Variants in CAMTA1 observed in about 807,000 individuals in gnomAD.
CAMTA1 encodes the protein calmodulin binding transcription activator 1, also known as calmodulin-binding transcription activator 1.
CAMTA1 carries 27 observed loss-of-function variants against 170.9 expected under a neutral mutation model. The observed-to-expected ratio is 0.16, with a 90% confidence interval of 0.12 to 0.22. The LOEUF is 0.22. Ranked by LOEUF, CAMTA1 falls within the 10% of genes least tolerant of loss-of-function variation. The probability of loss-of-function intolerance (pLI) is 1.00; values close to 1 mark genes in which losing one functional copy is unlikely to be tolerated. For missense variants in CAMTA1, 1,619 were observed against 2,217.2 expected, an observed-to-expected ratio of 0.73 and a Z score of 5.42; for synonymous variants, 833 against 891.5, an observed-to-expected ratio of 0.93 and a Z score of 1.17.
At chr1:7,560,486 A>G (rs1018299625) in intron 6 of CAMTA1, among the ~76,000 whole-genome samples, 23 of 152,092 alleles carry the variant, frequency 1.5e-4, no homozygotes, top group African/African-American at 5.3e-4. Context: ...GAAATGAGCC[A>G]TGTAGAAGAT....
chr1:7,597,566 G>GTTC (rs1467187365), intron 6 of CAMTA1, among the ~76,000 whole-genome samples: 1 of 152,140 alleles, frequency 6.6e-6, no homozygotes, highest in African/African-American at 2.4e-5. Flanking sequence ...CTAATAGGAT[G>GTTC]TGTATATATA....
intron 6 of CAMTA1, among the ~76,000 whole-genome samples, chr1:7,598,110 G>A (rs1375564837): frequency 9.0e-5 from 8 of 88,902 alleles, no homozygotes; most frequent in African/African-American, 3.1e-4. Flanking sequence ...AACAGGCCCC[G>A]GTGTGTGATG....
chr1:7,083,100 G>T (rs1268643789), intron 3 of CAMTA1, among the ~76,000 whole-genome samples: 1 of 152,180 alleles, frequency 6.6e-6, no homozygotes, highest in African/African-American at 2.4e-5. Flanking sequence ...TGTTTCTGTG[G>T]TGGCTCATTG....
At chr1:7,765,928 A>G (rs367563003) in intron 22 of CAMTA1, among the ~76,000 whole-genome samples, 4 of 151,400 alleles carry the variant, frequency 2.6e-5, no homozygotes, top group Admixed American at 1.3e-4. Flanking sequence ...TCGGGAGGCT[A>G]AGGCAGGAGA....
chr1:7,598,712 T>C (rs1395424712), intron 6 of CAMTA1, among the ~76,000 whole-genome samples: 1 of 152,246 alleles, frequency 6.6e-6, no homozygotes, highest in East Asian at 1.9e-4. Flanking sequence ...TTTTTTCATG[T>C]GTCTTTTGGC....
At position 7,123,645 on chromosome 1, in the gene CAMTA1, A is replaced by G. The variant is rs1349010462; in HGVS notation, c.302+32274A>G. 5.9e-5 allele frequency among the ~76,000 whole-genome samples: 9 copies of G among 152,308 alleles called. No individual in the cohort carries two copies. The East Asian group carries it at 1.7e-3, about 29-fold the overall frequency. On this transcript the variant is annotated intron_variant, in intron 4 of 22. Transcript: ENST00000303635. ...TAAGCCCTGGGCACCCAGCCTGGGT[A>G]GTACCTTGGCCCCTCTGAGCCCTGG...
intron 6 of CAMTA1, among the ~76,000 whole-genome samples, chr1:7,543,386 G>A (rs1278683305): frequency 6.6e-6 from 1 of 152,104 alleles, no homozygotes; most frequent in Non-Finnish European, 1.5e-5. Context: ...ATCCCCAGCA[G>A]CACTTGTGGC....
At chr1:7,739,840 C>G (rs2096798247) in intron 16 of CAMTA1, among the ~76,000 whole-genome samples, 1 of 152,268 alleles carries the variant, frequency 6.6e-6, no homozygotes, top group South Asian at 2.1e-4. Context: ...ACCATGTCAC[C>G]TACTGACCAC....
chr1:7,051,256 C>T (rs367815090), intron 3 of CAMTA1, among the ~76,000 whole-genome samples: 17 of 152,274 alleles, frequency 1.1e-4, no homozygotes, highest in East Asian at 3.9e-4. Context: ...TCATTCAGAA[C>T]GCAGTGAGCT....
At chr1:7,507,052 A>G (rs573323456) in intron 6 of CAMTA1, among the ~76,000 whole-genome samples, 5 of 150,008 alleles carry the variant, frequency 3.3e-5, no homozygotes, top group African/African-American at 5.1e-5. Context: ...TATCACACTC[A>G]AAATTCACAC....
chr1:7,399,752 C>T (rs1014925690), intron 5 of CAMTA1, among the ~76,000 whole-genome samples: 2 of 152,166 alleles, frequency 1.3e-5, no homozygotes, highest in African/African-American at 4.8e-5. Flanking sequence ...GCATAATATT[C>T]TAGGCTGGCA....
At chr1:6,927,537 C>CAACT in intron 3 of CAMTA1, among the ~76,000 whole-genome samples, 1 of 152,338 alleles carries the variant, frequency 6.6e-6, no homozygotes, top group Non-Finnish European at 1.5e-5. Context: ...AGGCACTGGA[C>CAACT]AACTGTAAAA....
chr1:7,230,781 G>A (rs1175112505), intron 4 of CAMTA1, among the ~76,000 whole-genome samples: 1 of 152,164 alleles, frequency 6.6e-6, no homozygotes, highest in Non-Finnish European at 1.5e-5. Flanking sequence ...CCCAGCCCCC[G>A]GGAGCCACGC....
rs140139043 is a variant in CAMTA1 at position 7,736,493 on chromosome 1, C to G, written c.3216C>G (p.Ala1072=). The change falls in exon 13 of 23, where the codon GCC becomes GCG. Residue 1072 remains alanine, a synonymous_variant. Transcript: ENST00000303635. This position sits in a 1 kb window ranked among gnomAD's most constrained non-coding sequence, Gnocchi z 4.5. ...GCGGAATGACCCTACTCCACCTGGCCGCTGCCCAGGGCTATGCCACCCTAA... is the reference window on the plus strand; with the variant it reads ...GCGGAATGACCCTACTCCACCTGGCGGCTGCCCAGGGCTATGCCACCCTAA... ...TFRGMTLLHL[A]AAQGYATLIQ... 2 of 1,614,026 alleles carry G rather than the reference C, an allele frequency of 1.2e-6. No individual in the cohort carries two copies. The highest frequency in any genetic ancestry group is 2.7e-5 in the African/African-American group (2 of 74,914).
chr1:7,449,787 A>G (rs1262891159), intron 5 of CAMTA1, among the ~76,000 whole-genome samples: 2 of 147,678 alleles, frequency 1.4e-5, no homozygotes, highest in African/African-American at 4.9e-5. Context: ...AAAAAAAAAA[A>G]AGAAAGAAAG....
chr1:7,473,820 T>C (rs903274053), intron 6 of CAMTA1, among the ~76,000 whole-genome samples: 7 of 152,188 alleles, frequency 4.6e-5, no homozygotes, highest in Non-Finnish European at 1.0e-4. Flanking sequence ...GGGGCATTAG[T>C]GTAGTTTTTC....
At chr1:7,268,737 A>G (rs974009745) in intron 5 of CAMTA1, among the ~76,000 whole-genome samples, 16 of 152,270 alleles carry the variant, frequency 1.1e-4, no homozygotes, top group Non-Finnish European at 5.9e-5. Context: ...ACTCAACAGT[A>G]TATCATTCAC....
intron 6 of CAMTA1, among the ~76,000 whole-genome samples, chr1:7,616,559 G>A (rs1256029206): frequency 1.3e-5 from 2 of 152,200 alleles, no homozygotes; most frequent in African/African-American, 2.4e-5. Flanking sequence ...AAAGGAAGCC[G>A]GGCCTCGGGG....
intron 5 of CAMTA1, among the ~76,000 whole-genome samples, chr1:7,261,839 A>G (rs1031162655): frequency 2.6e-5 from 4 of 152,224 alleles, no homozygotes; most frequent in Admixed American, 2.6e-4. Context: ...TGAGTTTCAA[A>G]ATACTGTGTG....
Sources: gnomAD v4.1 joint callset for allele counts (sites outside exome capture counted in the v4.1 genomes callset) on GRCh38, gnomAD v4.1.1 for gene constraint, Gnocchi (gnomAD v3.1) non-coding constraint, MANE v1.5 for transcripts, NCBI Gene and HGNC (gene_info 2026-07-23, HGNC 2026-07-21) for gene names.